The following AFDN variants were observed in gnomAD, a reference collection of about 807,000 sequenced individuals.
AFDN encodes afadin.
AFDN carries 68 observed loss-of-function variants against 216.6 expected under a neutral mutation model. The ratio of observed to expected loss-of-function variants is 0.31; its 90% CI spans 0.26 to 0.38. AFDN has a LOEUF of 0.38. Ranked by LOEUF, AFDN falls within the 10% of genes least tolerant of loss-of-function variation. AFDN has a pLI of 1.00. For synonymous variants in AFDN, 868 were observed against 853.7 expected, an observed-to-expected ratio of 1.02 and a Z score of -0.29; for missense variants, 2,136 against 2,342.0, an observed-to-expected ratio of 0.91 and a Z score of 1.82.
intron 15 of AFDN, chr6:167,912,195 C>T (rs1410453927): frequency 6.6e-6 from 1 of 152,142 alleles, no homozygotes; most frequent in African/African-American, 2.4e-5. Context: ...CTTTCTGTCC[C>T]GATCTACAGT....
chr6:167,885,663 A>G (rs1786699723), intron 6 of AFDN, among the ~76,000 whole-genome samples: 8 of 152,264 alleles, frequency 5.3e-5, no homozygotes, highest in Admixed American at 4.6e-4. Context: ...AGTTTGAAGT[A>G]TTGTGAGAAT....
In AFDN at chr6:167,902,488, G is replaced by A. The variant is rs73258725; in HGVS notation, c.1650+102G>A. ...TGTGTTCCCCTTATTTGTGGGGGATGTGTTCCAAGACCACCAGTCAATGTC... is the reference window on the plus strand; with the variant it reads ...TGTGTTCCCCTTATTTGTGGGGGATATGTTCCAAGACCACCAGTCAATGTC... On this transcript the variant is annotated intron_variant, in intron 12 of 33. Transcript: ENST00000683244. The A allele has an allele frequency of 0.014, 11,651 of 839,984 alleles. 903 individuals are homozygous for A. In the African/African-American group the frequency reaches 0.17, roughly 13 times the overall value. The allele number at this position is 839,984 out of a possible 1,614,324, so 52.0% of individuals were successfully genotyped here. A position where few individuals can be genotyped will look rare whatever the true frequency, so the allele number is the denominator to read the frequency against.
At chr6:167,893,635 C>T in intron 8 of AFDN, 1 of 507,464 alleles carries the variant, frequency 2.0e-6, no homozygotes. Flanking sequence ...CCTGTGGTTT[C>T]CCTTAACAGT....
At chr6:167,911,909 A>C (rs1177636656) in intron 15 of AFDN, 1 of 205,262 alleles carries the variant, frequency 4.9e-6, no homozygotes, top group African/African-American at 2.3e-5. Flanking sequence ...ATCACCTCAG[A>C]GCGATACCCC....
At chr6:167,874,682 C>G (rs1785153196) in intron 4 of AFDN, among the ~76,000 whole-genome samples, 1 of 138,688 alleles carries the variant, frequency 7.2e-6, no homozygotes, top group South Asian at 2.3e-4. Flanking sequence ...GTGGCACAAT[C>G]TTGGCTCACT....
intron 31 of AFDN, chr6:167,964,301 G>A (rs947055534): frequency 1.1e-5 from 12 of 1,063,780 alleles, no homozygotes; most frequent in Non-Finnish European, 1.4e-5. Flanking sequence ...AATTGTATCT[G>A]CTCTTGGTAT....
chr6:167,845,373 TATTTC>T (rs1781546512), intron 1 of AFDN, among the ~76,000 whole-genome samples: 1 of 152,116 alleles, frequency 6.6e-6, no homozygotes, highest in Non-Finnish European at 1.5e-5. Context: ...ATTAAATGAA[TATTTC>T]TTTTCTTTTC....
At position 167,928,560 on chromosome 6, in the gene AFDN, G is replaced by A. The variant is rs540723140; in HGVS notation, c.3099+3469G>A. On this transcript the variant is annotated intron_variant, in intron 23 of 33. Transcript: ENST00000683244. ...AGTTATGAACCTGGGAGGGAAGAGG[G>A]GAAGGAGTGCAAAAGGTGTCAGGAA... Among the ~76,000 whole-genome samples the A allele has an allele frequency of 2.6e-5, 4 of 152,346 alleles. No homozygotes were observed. In the East Asian group the frequency reaches 7.7e-4, roughly 29 times the overall value.
chr6:167,968,770 A>C, intron 32 of AFDN: 1 of 237,554 alleles, frequency 4.2e-6, no homozygotes, highest in Non-Finnish European at 8.4e-6. Context: ...CACCGAAGCC[A>C]GTAGGAACAG....
Position 167,951,824 on chromosome 6 carries a change from TCAG to T in AFDN, c.4478_4480del (p.Gln1493del). The T allele has an allele frequency of 1.2e-6, 2 of 1,614,100 alleles. No individual in the cohort carries two copies. The highest frequency in any genetic ancestry group is 1.7e-6 in the Non-Finnish European group (2 of 1,180,024). ...AAACAGTCATTCGGGAGCTGCAGCC[TCAG>T]CAGCAGCCCCGCACGATCGAGCGCA... On this transcript the variant is annotated inframe_deletion, in exon 30 of 34. Transcript: ENST00000683244. This position sits in a 1 kb window ranked among gnomAD's most constrained non-coding sequence, Gnocchi z 7.1.
At chr6:167,869,377 T>A (rs913364909) in intron 2 of AFDN, among the ~76,000 whole-genome samples, 3 of 152,200 alleles carry the variant, frequency 2.0e-5, no homozygotes, top group African/African-American at 7.2e-5. Flanking sequence ...TGCCAAATTG[T>A]ACACTAAAAG....
At chr6:167,940,052 C>T (rs1468984508) in intron 23 of AFDN, among the ~76,000 whole-genome samples, 1 of 152,186 alleles carries the variant, frequency 6.6e-6, no homozygotes, top group Non-Finnish European at 1.5e-5. Context: ...GTTCAAGGAC[C>T]ACAGGTTGTA....
chr6:167,947,366 A>T (rs1185064803), intron 27 of AFDN, among the ~76,000 whole-genome samples: 1 of 151,968 alleles, frequency 6.6e-6, no homozygotes, highest in Non-Finnish European at 1.5e-5. Flanking sequence ...TTTTTAGTAG[A>T]GACGGGGTTT....
At chr6:167,864,783 C>G (rs1212039945) in intron 2 of AFDN, 37 bp downstream of exon 2, 4 of 1,596,600 alleles carry the variant, frequency 2.5e-6, no homozygotes, top group Non-Finnish European at 3.4e-6. Flanking sequence ...AGAGGCATGA[C>G]CTGACCTGTG....
intron 7 of AFDN, 90 bp downstream of exon 7, chr6:167,889,416 G>A (rs1287751176): frequency 1.6e-5 from 14 of 901,604 alleles, no homozygotes; most frequent in Middle Eastern, 2.5e-4. Context: ...AGATGTGTAC[G>A]TTAATGTTTT....
intron 1 of AFDN, among the ~76,000 whole-genome samples, chr6:167,851,656 G>A (rs1782322170): frequency 6.6e-6 from 1 of 152,172 alleles, no homozygotes; most frequent in East Asian, 1.9e-4. Context: ...GAACTTGAGA[G>A]AACTCAAGTG....
At chr6:167,827,414 G>GC (rs1779255725) in intron 1 of AFDN, among the ~76,000 whole-genome samples, 177 bp downstream of exon 1, 1 of 134,532 alleles carries the variant, frequency 7.4e-6, no homozygotes, top group Admixed American at 7.4e-5. Context: ...GTCCCCCGCA[G>GC]CCCCCGTCCC....
chr6:167,962,301 C>A lies in AFDN; in HGVS notation c.4834-132C>A. ...TTTTATTTTCCAACAGTGATTTTAACCTGGTATTTTATATTTAACTTTCTG... is the reference window on the plus strand; with the variant it reads ...TTTTATTTTCCAACAGTGATTTTAAACTGGTATTTTATATTTAACTTTCTG... On this transcript the variant is annotated intron_variant, in intron 30 of 33. Coordinates refer to ENST00000683244, the MANE Select transcript of AFDN (RefSeq NM_001386888.1). The surrounding 1 kb of genome is among the most constrained non-coding windows in gnomAD (Gnocchi z 5.2). 1.6e-6 allele frequency: 2 copies of A among 1,255,336 alleles called. No individual in the cohort carries two copies. The highest frequency in any genetic ancestry group is 1.1e-6 in the Non-Finnish European group (1 of 947,230). 77.8% of individuals were successfully genotyped at this position (1,255,336 alleles called of 1,614,324 possible).
chr6:167,947,847 G>T lies in AFDN; in HGVS notation c.3554-6G>T. On this transcript the variant is annotated splice_region_variant and splice_polypyrimidine_tract_variant and intron_variant, in intron 27 of 33. Coordinates refer to ENST00000683244, the MANE Select transcript of AFDN (RefSeq NM_001386888.1). ...CACTTTTTTTTTTCCCCCCTGACTT[G>T]AGCAGATCAGCCTCCTAGTCCTGGA... 6.3e-7 allele frequency: 1 copy of T among 1,598,850 alleles called. No individual in the cohort carries two copies. The highest frequency in any genetic ancestry group is 8.6e-7 in the Non-Finnish European group (1 of 1,167,702).
Sources: allele counts gnomAD v4.1 joint callset (sites outside exome capture counted in the v4.1 genomes callset), GRCh38; gene constraint gnomAD v4.1.1; non-coding constraint Gnocchi (gnomAD v3.1); transcripts MANE v1.5; gene names NCBI Gene and HGNC (gene_info 2026-07-23, HGNC 2026-07-21).